PCDHGB2: variants seen among roughly 807,000 people sequenced by gnomAD.
PCDHGB2 encodes protocadherin gamma subfamily B, 2, also known as protocadherin gamma-B2.
In PCDHGB2, 55 loss-of-function variants were observed where a neutral mutation model predicts 59.3. The observed-to-expected ratio is 0.93, with a 90% CI of 0.75 to 1.16. The LOEUF is 1.16. Among genes scored for constraint, PCDHGB2 ranks in the 50% most tolerant of loss-of-function variants. The pLI is 0.00. For synonymous variants in PCDHGB2, 516 were observed against 512.0 expected, an observed-to-expected ratio of 1.01 and a Z score of -0.11; for missense variants, 1,228 against 1,198.5, an observed-to-expected ratio of 1.02 and a Z score of -0.36.
chr5:141,493,979 C>T lies in PCDHGB2; in HGVS notation c.2422-828C>T, dbSNP rs1273325447. ...GAAGTGGCTGGCCAGAGCCCCACAC[C>T]TTCAGCTAGGTGGGAGATGGCTACA... is the stretch of plus-strand genomic sequence containing the variant. On this transcript the variant is annotated intron_variant, in intron 1 of 3. Coordinates refer to ENST00000522605, the MANE Select transcript of PCDHGB2 (RefSeq NM_018923.3). The surrounding 1 kb of genome is among the most constrained non-coding windows in gnomAD (Gnocchi z 4.3). Among the ~76,000 whole-genome samples, 1 of 152,182 alleles carries T rather than the reference C, an allele frequency of 6.6e-6. No individual in the cohort carries two copies. Among genetic ancestry groups the T allele is most frequent in the Non-Finnish European group, 1.5e-5 (1 of 68,032 alleles).
At chr5:141,388,906 A>G (rs943139475) in intron 1 of PCDHGB2, 5 of 1,613,898 alleles carry the variant, frequency 3.1e-6, no homozygotes, top group African/African-American at 2.7e-5. Flanking sequence ...GAAAATGACA[A>G]CGCCCCAGAA....
intron 3 of PCDHGB2, among the ~76,000 whole-genome samples, chr5:141,506,146 T>C (rs1014881418): frequency 6.6e-6 from 1 of 152,086 alleles, no homozygotes; most frequent in African/African-American, 2.4e-5. Context: ...AAGAATATCA[T>C]TTGTCCTTAA....
chr5:141,478,857 C>A, intron 1 of PCDHGB2: 1 of 1,353,600 alleles, frequency 7.4e-7, no homozygotes, highest in Non-Finnish European at 9.8e-7. Context: ...AACACAAGAT[C>A]TCAGCGATCA....
chr5:141,427,973 C>T (rs754410723), intron 1 of PCDHGB2: 3 of 1,594,054 alleles, frequency 1.9e-6, no homozygotes, highest in Non-Finnish European at 2.6e-6. Context: ...TGCTGTACCC[C>T]GCGCTGGGGC....
intron 1 of PCDHGB2, chr5:141,364,455 G>A (rs753233498): frequency 1.9e-6 from 3 of 1,614,000 alleles, no homozygotes; most frequent in Non-Finnish European, 2.5e-6. Flanking sequence ...CTGGACAAAG[G>A]CTCCTTCGTC....
chr5:141,407,027 CT>C (rs1297630291), intron 1 of PCDHGB2, among the ~76,000 whole-genome samples: 1 of 152,128 alleles, frequency 6.6e-6, no homozygotes, highest in Non-Finnish European at 1.5e-5. Context: ...AAATTCTATG[CT>C]AAACATGTGA....
chr5:141,383,346 G>A, intron 1 of PCDHGB2: 3 of 1,614,018 alleles, frequency 1.9e-6, no homozygotes, highest in Non-Finnish European at 2.5e-6. Context: ...CAGCTCCTGG[G>A]GTTCGGTTTC....
chr5:141,383,350 C>CG (rs766222030), intron 1 of PCDHGB2: 7 of 1,613,870 alleles, frequency 4.3e-6, no homozygotes, highest in Non-Finnish European at 5.9e-6. Context: ...TCCTGGGGTT[C>CG]GGTTTCCGTT....
intron 1 of PCDHGB2, chr5:141,398,974 A>G (rs1486049931): frequency 1.4e-5 from 23 of 1,613,860 alleles, no homozygotes; most frequent in Non-Finnish European, 1.9e-5. Context: ...TTCCTTCTAC[A>G]GAACCGGGCA....
At position 141,477,748 on chromosome 5, in the gene PCDHGB2, C is replaced by T; in HGVS notation, c.2422-17059C>T. ...CAGCTCATATCAGCGATGGGGGCAC[C>T]CCGGTCCTAGCCACCAACATCAGCG... On this transcript the variant is annotated intron_variant, in intron 1 of 3. Transcript: ENST00000522605. The surrounding 1 kb of genome is among the most constrained non-coding windows in gnomAD (Gnocchi z 4.9). 6.2e-7 allele frequency: 1 copy of T among 1,613,872 alleles called. No homozygotes were observed. The highest frequency in any genetic ancestry group is 1.1e-5 in the South Asian group (1 of 91,080).
chr5:141,392,081 T>A lies in PCDHGB2; in HGVS notation c.2421+29525T>A, dbSNP rs376097159. 3.3e-5 allele frequency: 5 copies of A among 152,350 alleles called. No individual in the cohort carries two copies. In the East Asian group the frequency reaches 7.7e-4, roughly 23 times the overall value. The allele number at this position is 152,350 out of a possible 1,614,324, so 9.4% of individuals were successfully genotyped here. A position where few individuals can be genotyped will look rare whatever the true frequency, so the allele number is the denominator to read the frequency against. On this transcript the variant is annotated intron_variant, in intron 1 of 3. Coordinates refer to ENST00000522605, the MANE Select transcript of PCDHGB2 (RefSeq NM_018923.3). ...TATCGACATGTAATTCAAGTGGCAT[T>A]TAGAAGAATAATTTAAAAGCAACAA...
intron 1 of PCDHGB2, chr5:141,400,372 A>G: frequency 6.2e-7 from 1 of 1,613,980 alleles, no homozygotes; most frequent in Non-Finnish European, 8.5e-7. Flanking sequence ...TTATTCCTAC[A>G]ACCTATGTGT....
intron 1 of PCDHGB2, chr5:141,415,577 C>G (rs776744277): frequency 2.5e-6 from 4 of 1,613,744 alleles, no homozygotes; most frequent in South Asian, 2.2e-5. Flanking sequence ...TTAGATGATT[C>G]GAAGTTTCCT....
At chr5:141,403,740 C>T in intron 1 of PCDHGB2, 1 of 1,613,920 alleles carries the variant, frequency 6.2e-7, no homozygotes, top group Non-Finnish European at 8.5e-7. Flanking sequence ...TGGCTGCTTA[C>T]TGCAACAGCC....
At chr5:141,366,856 T>C (rs900954854) in intron 1 of PCDHGB2, 26 of 1,424,752 alleles carry the variant, frequency 1.8e-5, no homozygotes, top group Non-Finnish European at 2.4e-5. Context: ...TAGTGGAACA[T>C]TATTTGCTGT....
intron 1 of PCDHGB2, chr5:141,484,911 T>G (rs2154580253): frequency 9.3e-6 from 4 of 432,018 alleles, no homozygotes; most frequent in South Asian, 3.3e-5. Context: ...CTGCGACGCA[T>G]TAACCCTGCT....
intron 1 of PCDHGB2, chr5:141,383,523 C>A (rs1337208290): frequency 1.2e-6 from 2 of 1,612,324 alleles, no homozygotes; most frequent in African/African-American, 2.7e-5. Flanking sequence ...AGCGGGTTCA[C>A]CACCTGGTCC....
At position 141,374,916 on chromosome 5, in the gene PCDHGB2, CTT is replaced by C. The variant is rs779055803; in HGVS notation, c.2421+12361_2421+12362del. ...GATGAAGGAGTCCACGGGGAAGTAA[CTT>C]ATTCCTTTGTGAAGATTACAGAAAA... On this transcript the variant is annotated intron_variant, in intron 1 of 3. Transcript: ENST00000522605. The C allele has an allele frequency of 1.2e-5, 20 of 1,613,924 alleles. No individual in the cohort carries two copies. The African/African-American group carries it at 2.4e-4, about 19-fold the overall frequency.
intron 1 of PCDHGB2, among the ~76,000 whole-genome samples, chr5:141,406,166 G>A (rs778809031): frequency 1.6e-4 from 24 of 151,400 alleles, no homozygotes; most frequent in Non-Finnish European, 3.2e-4. Context: ...TCAATCTCCT[G>A]GGCTTATGCA....
Sources: allele counts gnomAD v4.1 joint callset (sites outside exome capture counted in the v4.1 genomes callset), GRCh38; gene constraint gnomAD v4.1.1; non-coding constraint Gnocchi (gnomAD v3.1); transcripts MANE v1.5; gene names NCBI Gene and HGNC (gene_info 2026-07-23, HGNC 2026-07-21).